Variants in ILRUN observed in about 807,000 individuals in gnomAD.
The protein encoded by ILRUN is protein ILRUN.
ILRUN carries 3 observed loss-of-function variants against 33.8 expected under a neutral mutation model. The ratio of observed to expected loss-of-function variants is 0.09; its 90% CI spans 0.04 to 0.23. The LOEUF (loss-of-function observed/expected upper bound fraction) is 0.23. Among genes scored for constraint, ILRUN ranks in the 10% least tolerant of loss-of-function variants. The pLI is 1.00. For synonymous variants in ILRUN, 124 were observed against 138.9 expected (o/e 0.89, Z 0.75); for missense variants, 210 against 375.1 (o/e 0.56, Z 3.64).
chr6:34,620,836 A>G (rs1490550543), intron 3 of ILRUN, among the ~76,000 whole-genome samples: 1 of 152,226 alleles, frequency 6.6e-6, no homozygotes, highest in South Asian at 2.1e-4. Flanking sequence ...CTCAAAAATA[A>G]TAATACATTT....
intron 1 of ILRUN, among the ~76,000 whole-genome samples, chr6:34,675,538 G>T (rs921429754): frequency 6.6e-6 from 1 of 152,020 alleles, no homozygotes. Context: ...AACAGGGAAA[G>T]AATTATTTCT....
rs557098965 is a variant in ILRUN at position 34,616,323 on chromosome 6, C to A, written c.512-9419G>T. On this transcript the variant is annotated intron_variant, in intron 3 of 4. Coordinates refer to ENST00000374023, the MANE Select transcript of ILRUN (RefSeq NM_024294.4). ...AGATCAACCCATCTTCAAAGCAGAA[C>A]AGGAACTTCACACTTCCCCTAAGGA... Among the ~76,000 whole-genome samples, 10 of 152,286 alleles carry A rather than the reference C, an allele frequency of 6.6e-5. No homozygotes were observed. In the East Asian group the frequency reaches 1.9e-3, roughly 29 times the overall value.
intron 1 of ILRUN, among the ~76,000 whole-genome samples, chr6:34,674,606 G>A (rs545330216): frequency 1.3e-5 from 2 of 152,314 alleles, no homozygotes; most frequent in South Asian, 4.1e-4. Context: ...TGCCTCTGGG[G>A]AGTCAAGGAA....
At chr6:34,676,916 C>A (rs979167357) in intron 1 of ILRUN, among the ~76,000 whole-genome samples, 1 of 151,228 alleles carries the variant, frequency 6.6e-6, no homozygotes, top group East Asian at 1.9e-4. Flanking sequence ...TTATCAAGAA[C>A]CTTCAAAAGG....
At chr6:34,614,443 A>AATATAT (rs61423893) in intron 3 of ILRUN, among the ~76,000 whole-genome samples, 1 of 133,598 alleles carries the variant, frequency 7.5e-6, no homozygotes, top group African/African-American at 3.1e-5. Context: ...AAAAAAAAAA[A>AATATAT]ATATATATAT....
Position 34,606,917 on chromosome 6 carries a change from G to C in ILRUN, c.512-13C>G. The C allele has an allele frequency of 6.3e-6, 10 of 1,594,258 alleles. No homozygotes were observed. The highest frequency in any genetic ancestry group is 8.6e-6 in the Non-Finnish European group (10 of 1,169,484). Reference sequence around the variant, plus strand: ...ACCCAGATGACATCTGAAACAAAAAGGTAACTCATTTCAATGCCAGGCTTA... The same window carrying C: ...ACCCAGATGACATCTGAAACAAAAACGTAACTCATTTCAATGCCAGGCTTA... On this transcript the variant is annotated splice_polypyrimidine_tract_variant and intron_variant, in intron 3 of 4. Coordinates refer to ENST00000374023, the MANE Select transcript of ILRUN (RefSeq NM_024294.4).
intron 3 of ILRUN, among the ~76,000 whole-genome samples, chr6:34,631,782 C>T (rs779012217): frequency 3.7e-4 from 57 of 152,132 alleles, no homozygotes; most frequent in Middle Eastern, 3.4e-3. Context: ...ATGAGGTTTC[C>T]TTTTGGGGTT....
chr6:34,637,870 T>C (rs9469834), intron 3 of ILRUN, among the ~76,000 whole-genome samples: 147 of 85,972 alleles, frequency 1.7e-3, no homozygotes, highest in African/African-American at 6.1e-3. Flanking sequence ...GCTGCTGTTG[T>C]TGTTGTTGTT....
rs1402756860 is a variant in ILRUN at position 34,683,500 on chromosome 6, A to G, written c.158+12946T>C. 3.1e-3 allele frequency among the ~76,000 whole-genome samples: 288 copies of G among 91,722 alleles called. 8 individuals are homozygous for G. The highest frequency in any genetic ancestry group is 7.9e-3 in the African/African-American group (153 of 19,316). 60.2% of individuals were successfully genotyped at this position (91,722 alleles called of 152,430 possible). A position where few individuals can be genotyped will look rare whatever the true frequency, so the allele number is the denominator to read the frequency against. ...CATATATATATACATATATATATACATATATATATATATACATATATATAT... is the reference window on the plus strand; with the variant it reads ...CATATATATATACATATATATATACGTATATATATATATACATATATATAT... On this transcript the variant is annotated intron_variant, in intron 1 of 4. Coordinates refer to ENST00000374023, the MANE Select transcript of ILRUN (RefSeq NM_024294.4).
At chr6:34,601,503 T>C (rs887582804) in intron 4 of ILRUN, among the ~76,000 whole-genome samples, 1 of 152,178 alleles carries the variant, frequency 6.6e-6, no homozygotes, top group Non-Finnish European at 1.5e-5. Context: ...ACTAGCCCAG[T>C]TGAGGACACC....
chr6:34,595,509 T>G (rs1243093377), intron 4 of ILRUN, among the ~76,000 whole-genome samples: 1 of 152,140 alleles, frequency 6.6e-6, no homozygotes, highest in Non-Finnish European at 1.5e-5. Flanking sequence ...TTGCACATAG[T>G]AGACTCAGGT....
chr6:34,635,914 G>A (rs76967117), intron 3 of ILRUN, among the ~76,000 whole-genome samples: 13,250 of 152,112 alleles, frequency 0.087, 808 homozygotes, highest in Non-Finnish European at 0.12. Flanking sequence ...GAGTCACCAC[G>A]CTGGGCCTGG....
intron 3 of ILRUN, among the ~76,000 whole-genome samples, chr6:34,638,711 G>GA (rs369343567): frequency 1.5e-3 from 215 of 143,370 alleles, no homozygotes; most frequent in Middle Eastern, 3.6e-3. Context: ...TCTCAAAAAA[G>GA]AAAAAAAAAA....
chr6:34,686,569 C>T, intron 1 of ILRUN: 2 of 202,632 alleles, frequency 9.9e-6, no homozygotes, highest in Non-Finnish European at 2.1e-5. Context: ...ATGGGCAAAG[C>T]CTTTTTGCGC....
At chr6:34,694,250 A>C (rs977417644) in intron 1 of ILRUN, among the ~76,000 whole-genome samples, 5 of 152,224 alleles carry the variant, frequency 3.3e-5, no homozygotes, top group African/African-American at 1.2e-4. Context: ...CATAATAATT[A>C]TACTAATAAA....
intron 3 of ILRUN, among the ~76,000 whole-genome samples, chr6:34,644,280 T>C (rs1249907098): frequency 6.6e-6 from 1 of 152,204 alleles, no homozygotes; most frequent in African/African-American, 2.4e-5. Context: ...CCCTTAAAAA[T>C]GGTAGCATGT....
At chr6:34,679,160 A>G (rs1763304807) in intron 1 of ILRUN, among the ~76,000 whole-genome samples, 1 of 151,962 alleles carries the variant, frequency 6.6e-6, no homozygotes, top group African/African-American at 2.4e-5. Flanking sequence ...AAAAAAAAAA[A>G]AAGAAATGGC....
intron 1 of ILRUN, among the ~76,000 whole-genome samples, chr6:34,682,251 GTTTTTTTTT>G (rs66948142): frequency 0.014 from 709 of 51,016 alleles, 7 homozygotes; most frequent in African/African-American, 0.057. Flanking sequence ...TGCAACCTCT[GTTTTTTTTT>G]TTTTTTTTTT....
At chr6:34,636,689 A>G (rs919079049) in intron 3 of ILRUN, among the ~76,000 whole-genome samples, 1 of 152,232 alleles carries the variant, frequency 6.6e-6, no homozygotes, top group African/African-American at 2.4e-5. Flanking sequence ...AGCCCTCTAC[A>G]CTGTTTAAGA....
Sources: allele counts gnomAD v4.1 joint callset (sites outside exome capture counted in the v4.1 genomes callset), GRCh38; gene constraint gnomAD v4.1.1; transcripts MANE v1.5; gene names NCBI Gene and HGNC (gene_info 2026-07-23, HGNC 2026-07-21).